Variants in OXR1 observed in about 807,000 individuals in gnomAD.
OXR1 encodes the protein oxidation resistance protein 1.
Under a neutral mutation model 104.6 loss-of-function variants are expected in OXR1, and 41 were observed. The observed-to-expected ratio is 0.39, with a 90% confidence interval of 0.31 to 0.51. The LOEUF is 0.51. Ranked by LOEUF, OXR1 falls within the 20% of genes least tolerant of loss-of-function variation. The pLI, the probability that OXR1 is intolerant of heterozygous loss-of-function variation, is 0.77. For missense variants in OXR1, 955 were observed against 1,031.9 expected (o/e 0.93, Z 1.02); for synonymous variants, 348 against 348.4 (o/e 1.00, Z 0.01).
chr8:106,496,787 C>T (rs557137425), intron 2 of OXR1, among the ~76,000 whole-genome samples: 4 of 152,274 alleles, frequency 2.6e-5, no homozygotes, highest in Non-Finnish European at 2.9e-5. Context: ...CTATTACAGT[C>T]GCACTTATGA....
intron 1 of OXR1, among the ~76,000 whole-genome samples, chr8:106,304,889 C>A (rs1454070419): frequency 6.6e-6 from 1 of 152,086 alleles, no homozygotes; most frequent in Non-Finnish European, 1.5e-5. Flanking sequence ...CATAATGTAA[C>A]TCACCATAGT....
intron 1 of OXR1, among the ~76,000 whole-genome samples, chr8:106,280,415 C>A (rs1317269674): frequency 6.6e-6 from 1 of 152,180 alleles, no homozygotes; most frequent in Non-Finnish European, 1.5e-5. Context: ...TCATGCCTTT[C>A]TCTTAGCTTC....
intron 3 of OXR1, among the ~76,000 whole-genome samples, chr8:106,612,075 C>G (rs1324321008): frequency 1.3e-5 from 2 of 149,158 alleles, no homozygotes; most frequent in Admixed American, 6.7e-5. Flanking sequence ...TCAGTCTCTA[C>G]TCATTTCATA....
At chr8:106,745,236 G>A (rs367875851) in intron 15 of OXR1, among the ~76,000 whole-genome samples, 1 of 152,184 alleles carries the variant, frequency 6.6e-6, no homozygotes, top group South Asian at 2.1e-4. Flanking sequence ...GAATATTCAT[G>A]TCTAGTTTGC....
intron 2 of OXR1, among the ~76,000 whole-genome samples, chr8:106,392,934 A>T (rs1418837488): frequency 1.3e-5 from 2 of 152,202 alleles, no homozygotes; most frequent in Non-Finnish European, 2.9e-5. Flanking sequence ...TTCTTGCCAT[A>T]CGCAGCTTCA....
intron 16 of OXR1, 46 bp from the exon 17 acceptor site, chr8:106,750,760 T>C (rs377561961): frequency 1.0e-4 from 144 of 1,403,658 alleles, no homozygotes; most frequent in Non-Finnish European, 1.3e-4. Flanking sequence ...AATTGTTTTA[T>C]AACTTAAGGC....
intron 2 of OXR1, among the ~76,000 whole-genome samples, chr8:106,495,727 T>C (rs1811370232): frequency 6.6e-6 from 1 of 152,156 alleles, no homozygotes; most frequent in Admixed American, 6.6e-5. Context: ...TATTAATCCT[T>C]TCTGCACCAC....
intron 8 of OXR1, among the ~76,000 whole-genome samples, chr8:106,704,066 C>A (rs117748501): frequency 1.7e-3 from 260 of 152,192 alleles, no homozygotes; most frequent in South Asian, 0.013. Context: ...AGAATAAAAT[C>A]CTTTGCTCAA....
chr8:106,699,086 A>G (rs1193363256), intron 7 of OXR1, among the ~76,000 whole-genome samples: 2 of 152,232 alleles, frequency 1.3e-5, no homozygotes, highest in African/African-American at 4.8e-5. Flanking sequence ...TAGGACCAGA[A>G]TAGCCTTTAG....
intron 1 of OXR1, among the ~76,000 whole-genome samples, chr8:106,310,961 T>C (rs1284529276): frequency 6.6e-6 from 1 of 152,190 alleles, no homozygotes; most frequent in Non-Finnish European, 1.5e-5. Context: ...TGGTGATTCA[T>C]GTACTTCAGT....
At position 106,415,427 on chromosome 8, in the gene OXR1, T is replaced by C. The variant is rs376230561; in HGVS notation, c.23+55791T>C. On this transcript the variant is annotated intron_variant, in intron 2 of 16. Transcript: ENST00000517566. ...TAGTTCTAGCAACTAAGATAATTTT[T>C]TAAAATTTAGAGAGTAAGCTACATA... 9.8e-5 allele frequency among the ~76,000 whole-genome samples: 15 copies of C among 152,288 alleles called. No individual in the cohort carries two copies. The East Asian group carries it at 1.7e-3, about 18-fold the overall frequency.
chr8:106,407,047 A>G (rs941694901), intron 2 of OXR1, among the ~76,000 whole-genome samples: 3 of 152,120 alleles, frequency 2.0e-5, no homozygotes, highest in Non-Finnish European at 4.4e-5. Flanking sequence ...AGTTGCTGTT[A>G]CCCTAAAAAT....
intron 2 of OXR1, among the ~76,000 whole-genome samples, chr8:106,468,504 G>T (rs988629372): frequency 1.3e-5 from 2 of 151,800 alleles, no homozygotes; most frequent in African/African-American, 2.4e-5. Flanking sequence ...GAAGTAAGCT[G>T]GGTATGTTTG....
chr8:106,736,179 G>A (rs1292558160), intron 11 of OXR1, among the ~76,000 whole-genome samples: 9 of 111,494 alleles, frequency 8.1e-5, no homozygotes, highest in East Asian at 2.4e-4. Flanking sequence ...CCCCCCATCC[G>A]CCCCCAGAGC....
chr8:106,294,866 G>C (rs1389913419), intron 1 of OXR1, among the ~76,000 whole-genome samples: 1 of 151,944 alleles, frequency 6.6e-6, no homozygotes, highest in African/African-American at 2.4e-5. Flanking sequence ...ACTTTTATGC[G>C]GCCTTTCATA....
chr8:106,694,598 A>G (rs1829684033), intron 7 of OXR1, among the ~76,000 whole-genome samples: 2 of 71,612 alleles, frequency 2.8e-5, no homozygotes, highest in African/African-American at 1.4e-4. Context: ...TATATTTGAT[A>G]TATAAATATA....
chr8:106,408,336 A>G (rs1055073777), intron 2 of OXR1, among the ~76,000 whole-genome samples: 1 of 152,124 alleles, frequency 6.6e-6, no homozygotes, highest in Non-Finnish European at 1.5e-5. Context: ...TGCAATTTTT[A>G]AAACCTAAAA....
chr8:106,524,590 C>G (rs1445576019), intron 3 of OXR1, among the ~76,000 whole-genome samples: 1 of 152,196 alleles, frequency 6.6e-6, no homozygotes, highest in Admixed American at 6.5e-5. Flanking sequence ...TGATCAATCC[C>G]TGCTGTGTGA....
chr8:106,630,411 C>T (rs1224936343), intron 3 of OXR1, among the ~76,000 whole-genome samples: 5 of 152,170 alleles, frequency 3.3e-5, no homozygotes, highest in East Asian at 1.9e-4. Context: ...AAAGGTCATG[C>T]GTGTCTAAGA....
Sources: allele counts gnomAD v4.1 joint callset (sites outside exome capture counted in the v4.1 genomes callset), GRCh38; gene constraint gnomAD v4.1.1; transcripts MANE v1.5; gene names NCBI Gene and HGNC (gene_info 2026-07-23, HGNC 2026-07-21).